STXBP6: variants seen among roughly 807,000 people sequenced by gnomAD.
The protein encoded by STXBP6 is syntaxin-binding protein 6.
Under a neutral mutation model 26.9 loss-of-function variants are expected in STXBP6, and 21 were observed. The observed-to-expected ratio is 0.78, with a 90% confidence interval of 0.55 to 1.12. The LOEUF (loss-of-function observed/expected upper bound fraction) is 1.12, where lower values mean the gene tolerates loss of function less well. Among genes scored for constraint, STXBP6 ranks in the 50% most tolerant of loss-of-function variants. STXBP6 has a pLI of 0.00. For synonymous variants in STXBP6, 97 were observed against 92.6 expected (o/e 1.05, Z -0.27); for missense variants, 232 against 257.9 (o/e 0.90, Z 0.69).
intron 2 of STXBP6, among the ~76,000 whole-genome samples, chr14:24,864,625 A>G (rs991230245): frequency 6.6e-6 from 1 of 151,658 alleles, no homozygotes; most frequent in African/African-American, 2.4e-5. Context: ...TTCCAAAGGG[A>G]AAAAAAAGGG....
chr14:24,945,212 G>A (rs1397441522), intron 2 of STXBP6, among the ~76,000 whole-genome samples: 1 of 120,590 alleles, frequency 8.3e-6, no homozygotes, highest in African/African-American at 3.1e-5. Context: ...TTTGGCAAGT[G>A]TGTTGTAGTG....
intron 2 of STXBP6, among the ~76,000 whole-genome samples, chr14:24,958,633 CT>C (rs1345620457): frequency 2.6e-5 from 4 of 152,112 alleles, no homozygotes; most frequent in African/African-American, 7.2e-5. Context: ...CATAAATACA[CT>C]TTTTGTAACT....
In STXBP6 at chr14:24,811,291, G is replaced by A. The variant is rs2067815961; in HGVS notation, c.*1418C>T. 6.6e-6 allele frequency: 1 copy of A among 152,072 alleles called. No homozygotes were observed. Among genetic ancestry groups the A allele is most frequent in the African/African-American group, 2.4e-5 (1 of 41,400 alleles). 9.4% of individuals were successfully genotyped at this position (152,072 alleles called of 1,614,324 possible). On this transcript the variant is annotated 3_prime_UTR_variant, in exon 6 of 6. Transcript: ENST00000323944. Reference sequence around the variant, plus strand: ...AGTCATCTTATGCTCCTATGTAAGAGGCTGCAATACATATCGACTCAATCA... The same window carrying A: ...AGTCATCTTATGCTCCTATGTAAGAAGCTGCAATACATATCGACTCAATCA...
chr14:24,985,337 A>G (rs1296007807), intron 1 of STXBP6, among the ~76,000 whole-genome samples: 1 of 152,226 alleles, frequency 6.6e-6, no homozygotes, highest in Non-Finnish European at 1.5e-5. Flanking sequence ...TGCAGTTTGC[A>G]ACAGGAGTCA....
intron 2 of STXBP6, among the ~76,000 whole-genome samples, chr14:24,920,583 C>T (rs180872528): frequency 4.7e-4 from 71 of 151,974 alleles, no homozygotes; most frequent in South Asian, 1.0e-3. Context: ...TTGAATAAAA[C>T]CCAGCATACT....
chr14:24,883,531 G>A (rs759226753), intron 2 of STXBP6, among the ~76,000 whole-genome samples: 4 of 152,168 alleles, frequency 2.6e-5, no homozygotes, highest in African/African-American at 7.2e-5. Flanking sequence ...CATGGAGACA[G>A]TGCTCATGAA....
intron 2 of STXBP6, among the ~76,000 whole-genome samples, chr14:24,960,783 C>A (rs141145517): frequency 6.6e-6 from 1 of 152,314 alleles, no homozygotes; most frequent in East Asian, 1.9e-4. Context: ...CAGGCTCTTG[C>A]CAAGAGTGGT....
chr14:25,008,969 G>C (rs1301993836), intron 1 of STXBP6, among the ~76,000 whole-genome samples: 1 of 152,094 alleles, frequency 6.6e-6, no homozygotes, highest in Non-Finnish European at 1.5e-5. Flanking sequence ...ATCTCAGCCA[G>C]CCCACCAGCC....
intron 1 of STXBP6, among the ~76,000 whole-genome samples, chr14:24,990,582 T>C (rs1189393000): frequency 7.2e-6 from 1 of 139,296 alleles, no homozygotes; most frequent in East Asian, 2.1e-4. Context: ...TGCTTGAACC[T>C]GGGAGGCGGA....
intron 2 of STXBP6, among the ~76,000 whole-genome samples, chr14:24,922,685 G>T (rs1224548856): frequency 6.6e-6 from 1 of 152,002 alleles, no homozygotes; most frequent in African/African-American, 2.4e-5. Flanking sequence ...CCTTGACCTT[G>T]ATATTATTTT....
At chr14:25,011,623 T>C (rs778211222) in intron 1 of STXBP6, among the ~76,000 whole-genome samples, 2 of 152,216 alleles carry the variant, frequency 1.3e-5, no homozygotes, top group South Asian at 2.1e-4. Context: ...AATCCAGTTA[T>C]ATTTTAAGTA....
At chr14:24,861,066 G>A (rs2069522400) in intron 2 of STXBP6, among the ~76,000 whole-genome samples, 1 of 152,018 alleles carries the variant, frequency 6.6e-6, no homozygotes, top group South Asian at 2.1e-4. Flanking sequence ...AGGGCAAAAG[G>A]AAAACAAACT....
intron 4 of STXBP6, among the ~76,000 whole-genome samples, chr14:24,843,093 C>T (rs924015185): frequency 1.3e-5 from 2 of 152,078 alleles, no homozygotes; most frequent in Non-Finnish European, 1.5e-5. Flanking sequence ...CTTCACTGAC[C>T]TTTATTATGG....
At chr14:24,925,475 A>C (rs1269241762) in intron 2 of STXBP6, among the ~76,000 whole-genome samples, 1 of 152,194 alleles carries the variant, frequency 6.6e-6, no homozygotes, top group Non-Finnish European at 1.5e-5. Flanking sequence ...ACAGCTACTC[A>C]AGTAGTTGGT....
chr14:24,979,271 A>G (rs1164301591), intron 1 of STXBP6, among the ~76,000 whole-genome samples: 1 of 152,228 alleles, frequency 6.6e-6, no homozygotes, highest in East Asian at 1.9e-4. Flanking sequence ...TAACAATTAT[A>G]CTTCCTATTG....
rs1041686411 is a variant in STXBP6 at position 24,848,280 on chromosome 14, A to G, written c.451+7656T>C. On this transcript the variant is annotated intron_variant, in intron 4 of 5. Transcript: ENST00000323944. ...ATATGTTGTATCCATGACACAGAAAAGCATAGAGATGCTGAGTATAACTTA... is the reference window on the plus strand; with the variant it reads ...ATATGTTGTATCCATGACACAGAAAGGCATAGAGATGCTGAGTATAACTTA... Among the ~76,000 whole-genome samples the G allele has an allele frequency of 5.3e-5, 8 of 152,284 alleles. 2 individuals are homozygous for G. The highest frequency in any genetic ancestry group is 3.9e-4 in the Admixed American group (6 of 15,278).
intron 2 of STXBP6, among the ~76,000 whole-genome samples, chr14:24,890,773 A>G (rs17112): frequency 0.37 from 55,610 of 152,122 alleles, 10,402 homozygotes; most frequent in East Asian, 0.43. Context: ...TTAAACAGGA[A>G]ATTCAAGGCA....
rs75720347 is a variant in STXBP6, at chr14:24,968,480, A to G, written c.154+6185T>C. Among the ~76,000 whole-genome samples the G allele has an allele frequency of 7.3e-3, 1,104 of 152,210 alleles. 9 individuals carry two copies. The highest frequency in any genetic ancestry group is 0.026 in the African/African-American group (1,060 of 41,528). On this transcript the variant is annotated intron_variant, in intron 2 of 5. Coordinates refer to ENST00000323944, the MANE Select transcript of STXBP6 (RefSeq NM_001394410.1). ...GAAAGTCTGAATTAGAAAGAGAGAA[A>G]CAGAGTTTCTCTCCTATGCCAGATC...
At position 24,812,296 on chromosome 14, in the gene STXBP6, A is replaced by C. The variant is rs568870126; in HGVS notation, c.*413T>G. 3.0e-5 allele frequency: 5 copies of C among 165,856 alleles called. No homozygotes were observed. The highest frequency in any genetic ancestry group is 1.2e-4 in the African/African-American group (5 of 41,744). The allele number at this position is 165,856 out of a possible 1,614,324, so 10.3% of individuals were successfully genotyped here. ...TCTAGGAAAAATAACATCTGATGTCACCACATTAAAATGCCTTCCTGCTTA... is the reference window on the plus strand; with the variant it reads ...TCTAGGAAAAATAACATCTGATGTCCCCACATTAAAATGCCTTCCTGCTTA... On this transcript the variant is annotated 3_prime_UTR_variant, in exon 6 of 6. Coordinates refer to ENST00000323944, the MANE Select transcript of STXBP6 (RefSeq NM_001394410.1).
Sources: allele counts gnomAD v4.1 joint callset (sites outside exome capture counted in the v4.1 genomes callset), GRCh38; gene constraint gnomAD v4.1.1; transcripts MANE v1.5; gene names NCBI Gene and HGNC (gene_info 2026-07-23, HGNC 2026-07-21).